Variants in JAZF1 observed in about 807,000 individuals in gnomAD.
The protein encoded by JAZF1 is JAZF zinc finger 1, also known as juxtaposed with another zinc finger protein 1.
Under a neutral mutation model 26.4 loss-of-function variants are expected in JAZF1, and 8 were observed. The observed-to-expected ratio is 0.30, with a 90% CI of 0.18 to 0.55. The LOEUF is 0.55. Ranked by LOEUF, JAZF1 falls within the 20% of genes least tolerant of loss-of-function variation. The probability of loss-of-function intolerance (pLI) is 0.94; values close to 1 mark genes in which losing one functional copy is unlikely to be tolerated. For missense variants in JAZF1, 199 were observed against 322.0 expected, an observed-to-expected ratio of 0.62 and a Z score of 2.92; for synonymous variants, 126 against 122.3, an observed-to-expected ratio of 1.03 and a Z score of -0.20.
chr7:27,986,008 A>G (rs192518128), intron 2 of JAZF1, among the ~76,000 whole-genome samples: 82 of 152,354 alleles, frequency 5.4e-4, no homozygotes, highest in African/African-American at 1.9e-3. Flanking sequence ...CCAATATCAT[A>G]CTGAATGGGC....
intron 1 of JAZF1, among the ~76,000 whole-genome samples, chr7:28,133,887 A>G (rs1782839172): frequency 6.6e-6 from 1 of 152,158 alleles, no homozygotes; most frequent in Non-Finnish European, 1.5e-5. Flanking sequence ...GACCCTAACC[A>G]ATGTTGTCCC....
intron 1 of JAZF1, chr7:28,020,523 T>C (rs1000377066): frequency 1.1e-5 from 5 of 470,460 alleles, no homozygotes; most frequent in African/African-American, 8.0e-5. Flanking sequence ...CATACTGACA[T>C]CTTGTGGTTA....
At chr7:28,062,863 AC>A (rs1783822454) in intron 1 of JAZF1, among the ~76,000 whole-genome samples, 1 of 152,152 alleles carries the variant, frequency 6.6e-6, no homozygotes, top group South Asian at 2.1e-4. Flanking sequence ...TTTGACCCAG[AC>A]TGACACTGTT....
At chr7:27,994,629 A>T (rs1402334675) in intron 1 of JAZF1, among the ~76,000 whole-genome samples, 2 of 152,318 alleles carry the variant, frequency 1.3e-5, no homozygotes, top group East Asian at 3.9e-4. Flanking sequence ...GGCAACCTTT[A>T]GAATATCCAT....
At chr7:28,146,934 G>A (rs909433999) in intron 1 of JAZF1, among the ~76,000 whole-genome samples, 9 of 148,626 alleles carry the variant, frequency 6.1e-5, no homozygotes, top group Non-Finnish European at 1.0e-4. Flanking sequence ...TCAGCTCACT[G>A]CAACCTCTGC....
At chr7:28,009,710 C>T (rs1025134880) in intron 1 of JAZF1, among the ~76,000 whole-genome samples, 1 of 152,200 alleles carries the variant, frequency 6.6e-6, no homozygotes, top group Non-Finnish European at 1.5e-5. Context: ...GTCTCGATCT[C>T]CTGACCTCGT....
intron 1 of JAZF1, among the ~76,000 whole-genome samples, chr7:28,103,853 C>T (rs1476144202): frequency 6.6e-6 from 1 of 152,186 alleles, no homozygotes; most frequent in African/African-American, 2.4e-5. Flanking sequence ...CGAGACACTG[C>T]AGCCAGAGTC....
chr7:27,956,387 C>T (rs528602958), intron 2 of JAZF1, among the ~76,000 whole-genome samples: 6 of 152,192 alleles, frequency 3.9e-5, no homozygotes, highest in Non-Finnish European at 7.3e-5. Context: ...AGATCATGCT[C>T]TTTGGGGGTG....
At position 28,033,178 on chromosome 7, in the gene JAZF1, A is replaced by C. The variant is rs183569742; in HGVS notation, c.116-41197T>G. ...CTGGTACTTAGTTGACATAATGCTG[A>C]CTCAAGTGAAAATAAGGAGACTGCA... On this transcript the variant is annotated intron_variant, in intron 1 of 4. Transcript: ENST00000283928. Among the ~76,000 whole-genome samples the C allele has an allele frequency of 2.6e-5, 4 of 152,284 alleles. No homozygotes were observed. In the East Asian group the frequency reaches 7.7e-4, roughly 29 times the overall value.
chr7:27,979,592 A>T (rs1210213164), intron 2 of JAZF1, among the ~76,000 whole-genome samples: 1 of 151,872 alleles, frequency 6.6e-6, no homozygotes, highest in Non-Finnish European at 1.5e-5. Context: ...ATTTCTGGGA[A>T]GCCAAAAGTT....
chr7:28,089,988 A>G (rs1437446964), intron 1 of JAZF1, among the ~76,000 whole-genome samples: 1 of 152,224 alleles, frequency 6.6e-6, no homozygotes, highest in Non-Finnish European at 1.5e-5. Context: ...TTTAGATTCA[A>G]AAGTCCATGT....
At chr7:27,927,325 TA>T (rs1304886069) in intron 2 of JAZF1, among the ~76,000 whole-genome samples, 3 of 152,190 alleles carry the variant, frequency 2.0e-5, no homozygotes, top group Non-Finnish European at 4.4e-5. Flanking sequence ...AAACTCTCAC[TA>T]TTGGGAAGGT....
intron 1 of JAZF1, chr7:28,071,557 C>T (rs1048027174): frequency 4.3e-6 from 2 of 468,134 alleles, no homozygotes; most frequent in South Asian, 3.1e-5. Context: ...TAGTATGTCC[C>T]ATAAAAGTAT....
intron 2 of JAZF1, among the ~76,000 whole-genome samples, chr7:27,904,731 C>A: frequency 7.5e-6 from 1 of 132,748 alleles, no homozygotes; most frequent in African/African-American, 2.8e-5. Context: ...AAACTAAAAG[C>A]AGCACCAGGA....
intron 1 of JAZF1, among the ~76,000 whole-genome samples, chr7:28,172,829 T>C (rs1783492347): frequency 6.6e-6 from 1 of 152,264 alleles, no homozygotes; most frequent in Non-Finnish European, 1.5e-5. Flanking sequence ...AGGGATAACT[T>C]GACACAGAGA....
chr7:27,974,070 T>C (rs974067621), intron 2 of JAZF1, among the ~76,000 whole-genome samples: 3 of 152,078 alleles, frequency 2.0e-5, no homozygotes, highest in Admixed American at 1.3e-4. Flanking sequence ...AATGAATGGG[T>C]AGGTGCCATT....
intron 2 of JAZF1, among the ~76,000 whole-genome samples, chr7:27,923,252 A>T (rs1721152603): frequency 6.6e-6 from 1 of 152,224 alleles, no homozygotes; most frequent in South Asian, 2.1e-4. Context: ...TCCTTAGGGT[A>T]ATGTCTGCAA....
intron 1 of JAZF1, among the ~76,000 whole-genome samples, chr7:28,041,834 G>A (rs1214155457): frequency 2.0e-5 from 3 of 152,184 alleles, no homozygotes; most frequent in African/African-American, 7.2e-5. Flanking sequence ...TCATGACTAA[G>A]TTCTCTAAGA....
At position 27,832,776 on chromosome 7, in the gene JAZF1, C is replaced by G. The variant is rs377206643; in HGVS notation, c.*24G>C. 2 of 1,456,012 alleles carry G rather than the reference C, an allele frequency of 1.4e-6. No individual in the cohort carries two copies. The highest frequency in any genetic ancestry group is 2.8e-5 in the African/African-American group (2 of 70,262). 90.2% of individuals were successfully genotyped at this position (1,456,012 alleles called of 1,614,324 possible). Reference sequence around the variant, plus strand: ...AATCAGCAACTGCTGGTGAGGATTTCTTGGCACAGTTATGACCAGCATGTT... The same window carrying G: ...AATCAGCAACTGCTGGTGAGGATTTGTTGGCACAGTTATGACCAGCATGTT... On this transcript the variant is annotated 3_prime_UTR_variant, in exon 5 of 5. Transcript: ENST00000283928.
Sources: allele counts gnomAD v4.1 joint callset (sites outside exome capture counted in the v4.1 genomes callset), GRCh38; gene constraint gnomAD v4.1.1; transcripts MANE v1.5; gene names NCBI Gene and HGNC (gene_info 2026-07-23, HGNC 2026-07-21).